Variants in KCNT2 observed in about 807,000 individuals in gnomAD.
KCNT2 encodes the protein potassium channel subfamily T member 2.
KCNT2 carries 67 observed loss-of-function variants against 153.8 expected under a neutral mutation model. The ratio of observed to expected loss-of-function variants is 0.44; its 90% confidence interval spans 0.36 to 0.53. The LOEUF is 0.53. Among genes scored for constraint, KCNT2 ranks in the 20% least tolerant of loss-of-function variants. The pLI is 0.00. For synonymous variants in KCNT2, 500 were observed against 458.8 expected, an observed-to-expected ratio of 1.09 and a Z score of -1.15; for missense variants, 975 against 1,354.8, an observed-to-expected ratio of 0.72 and a Z score of 4.40.
chr1:196,572,426 A>G (rs1252240111), intron 1 of KCNT2, among the ~76,000 whole-genome samples: 7 of 152,112 alleles, frequency 4.6e-5, no homozygotes, highest in African/African-American at 1.7e-4. Context: ...CAACACACAA[A>G]AAGGAAACTT....
At chr1:196,511,065 G>A (rs1449079383) in intron 1 of KCNT2, among the ~76,000 whole-genome samples, 1 of 149,460 alleles carries the variant, frequency 6.7e-6, no homozygotes, top group African/African-American at 2.5e-5. Context: ...CACCCTAAAG[G>A]AAGCACCTAA....
chr1:196,441,851 C>T (rs1675262313), intron 8 of KCNT2, among the ~76,000 whole-genome samples: 1 of 151,684 alleles, frequency 6.6e-6, no homozygotes, highest in Non-Finnish European at 1.5e-5. Flanking sequence ...TATTCATATC[C>T]ATTCATAAAC....
intron 1 of KCNT2, among the ~76,000 whole-genome samples, chr1:196,601,662 A>G (rs1664737276): frequency 6.6e-6 from 1 of 152,244 alleles, no homozygotes; most frequent in South Asian, 2.1e-4. Context: ...ACCACTTATT[A>G]TGATGGTGTT....
chr1:196,582,973 G>A (rs12727032), intron 1 of KCNT2, among the ~76,000 whole-genome samples: 72,797 of 151,820 alleles, frequency 0.48, 19,851 homozygotes, highest in Middle Eastern at 0.73. Context: ...AAAATGCTGA[G>A]ATAAAGATTA....
chr1:196,436,495 T>C (rs1674667484), intron 8 of KCNT2, among the ~76,000 whole-genome samples: 1 of 151,516 alleles, frequency 6.6e-6, no homozygotes, highest in Non-Finnish European at 1.5e-5. Flanking sequence ...ACATTAATAT[T>C]ACACAAATAC....
chr1:196,416,206 C>A (rs1249790089), intron 12 of KCNT2, among the ~76,000 whole-genome samples: 1 of 151,908 alleles, frequency 6.6e-6, no homozygotes, highest in Non-Finnish European at 1.5e-5. Flanking sequence ...GTTCAAGTGG[C>A]CCTTATTTTA....
chr1:196,264,275 A>G (rs1191700865), intron 25 of KCNT2, among the ~76,000 whole-genome samples: 3 of 152,180 alleles, frequency 2.0e-5, no homozygotes, highest in Admixed American at 2.0e-4. Context: ...AAAAGAACAA[A>G]TTGAGAGGGG....
chr1:196,498,358 A>G (rs1038883742), intron 1 of KCNT2, among the ~76,000 whole-genome samples: 3 of 152,276 alleles, frequency 2.0e-5, no homozygotes, highest in Middle Eastern at 3.4e-3. Flanking sequence ...TAAATCTTAC[A>G]GTAGACATAG....
chr1:196,460,030 A>G (rs1041923888), intron 8 of KCNT2, among the ~76,000 whole-genome samples: 1 of 151,698 alleles, frequency 6.6e-6, no homozygotes, highest in African/African-American at 2.4e-5. Flanking sequence ...TCTTTCTAAC[A>G]GTTTCAGTAA....
intron 14 of KCNT2, among the ~76,000 whole-genome samples, chr1:196,370,747 C>T (rs977764517): frequency 6.6e-6 from 1 of 152,054 alleles, no homozygotes; most frequent in Non-Finnish European, 1.5e-5. Flanking sequence ...ACACAAAAAC[C>T]TTTTCACAAA....
At position 196,373,141 on chromosome 1, in the gene KCNT2, G is replaced by T. The variant is rs1668672997; in HGVS notation, c.1402C>A (p.Gln468Lys). 2.9e-6 allele frequency: 4 copies of T among 1,379,232 alleles called. No individual in the cohort carries two copies. The East Asian group carries it at 9.2e-5, about 32-fold the overall frequency. 85.4% of individuals were successfully genotyped at this position (1,379,232 alleles called of 1,614,324 possible). The change falls in exon 14 of 28, where the codon CAA (glutamine) becomes AAA (lysine). Residue 468 changes from glutamine (Q) to lysine (K), a missense_variant and splice_region_variant. Gln to Lys is a moderately conservative substitution (Grantham distance 53). Coordinates refer to ENST00000294725, the MANE Select transcript of KCNT2 (RefSeq NM_198503.5). ...AACTTAAAGAAAAAATATACTTACT[G>T]CCCTCTAGAGGTATGAACCAGTAGT... ...ITLLVHTSRG[Q>K]EGQQSPEQWQ... is the part of the protein sequence containing the mutation.
intron 14 of KCNT2, among the ~76,000 whole-genome samples, chr1:196,369,704 T>G (rs1312605621): frequency 6.6e-6 from 1 of 152,180 alleles, no homozygotes; most frequent in Non-Finnish European, 1.5e-5. Context: ...ATGTGCCACA[T>G]TTTCTTAATC....
chr1:196,561,916 T>C (rs1250148287), intron 1 of KCNT2, among the ~76,000 whole-genome samples: 1 of 151,918 alleles, frequency 6.6e-6, no homozygotes, highest in Non-Finnish European at 1.5e-5. Flanking sequence ...ATTTGGCAAC[T>C]GGTTGAAAGA....
At chr1:196,388,231 C>T (rs1448004434) in intron 13 of KCNT2, among the ~76,000 whole-genome samples, 3 of 151,608 alleles carry the variant, frequency 2.0e-5, no homozygotes, top group Non-Finnish European at 4.4e-5. Context: ...AGTTGATCTA[C>T]TTCTGGGTTG....
chr1:196,595,248 G>T (rs967535160), intron 1 of KCNT2, among the ~76,000 whole-genome samples: 1 of 151,768 alleles, frequency 6.6e-6, no homozygotes, highest in Non-Finnish European at 1.5e-5. Flanking sequence ...TAATTATATT[G>T]ATATTAATGA....
At chr1:196,582,220 C>A (rs1662146070) in intron 1 of KCNT2, among the ~76,000 whole-genome samples, 1 of 151,940 alleles carries the variant, frequency 6.6e-6, no homozygotes, top group Non-Finnish European at 1.5e-5. Context: ...CATTTTCTAG[C>A]TTTGTAATCA....
chr1:196,566,351 T>G (rs998660207), intron 1 of KCNT2, among the ~76,000 whole-genome samples: 8 of 152,056 alleles, frequency 5.3e-5, no homozygotes, highest in Non-Finnish European at 1.2e-4. Flanking sequence ...TAATTGGTGG[T>G]TTTTGAATGT....
Position 196,406,191 on chromosome 1 carries a change from C to A in KCNT2, c.1186-7520G>T, listed in dbSNP as rs1008937335. On this transcript the variant is annotated intron_variant, in intron 12 of 27. Coordinates refer to ENST00000294725, the MANE Select transcript of KCNT2 (RefSeq NM_198503.5). ...TACATACACATATATCTGATAATAT[C>A]AAAAACTGGAGGTAATTCTGATACA... Among the ~76,000 whole-genome samples, 5 of 151,382 alleles carry A rather than the reference C, an allele frequency of 3.3e-5. No homozygotes were observed. In the East Asian group the frequency reaches 9.8e-4, roughly 30 times the overall value.
chr1:196,388,851 T>G (rs979036323), intron 13 of KCNT2, among the ~76,000 whole-genome samples: 3 of 151,748 alleles, frequency 2.0e-5, no homozygotes, highest in African/African-American at 7.2e-5. Context: ...ACTATTTCCT[T>G]TCTAACATGT....
Sources: gnomAD v4.1 joint callset for allele counts (sites outside exome capture counted in the v4.1 genomes callset) on GRCh38, gnomAD v4.1.1 for gene constraint, MANE v1.5 for transcripts, NCBI Gene and HGNC (gene_info 2026-07-23, HGNC 2026-07-21) for gene names.